CTNNA2: variants seen among roughly 807,000 people sequenced by gnomAD.
CTNNA2 encodes catenin alpha 2.
A neutral mutation model predicts 101.0 loss-of-function variants in CTNNA2; 42 were observed. The ratio of observed to expected loss-of-function variants is 0.42; its 90% confidence interval spans 0.32 to 0.54. The LOEUF is 0.54. Ranked by LOEUF, CTNNA2 falls within the 20% of genes least tolerant of loss-of-function variation. The probability of loss-of-function intolerance (pLI) is 0.14; values close to 1 mark genes in which losing one functional copy is unlikely to be tolerated. For missense variants in CTNNA2, 871 were observed against 1,223.1 expected (o/e 0.71, Z 4.29); for synonymous variants, 450 against 456.4 (o/e 0.99, Z 0.18).
At chr2:80,201,968 C>T (rs1242898707) in intron 7 of CTNNA2, among the ~76,000 whole-genome samples, 2 of 152,158 alleles carry the variant, frequency 1.3e-5, no homozygotes, top group East Asian at 3.9e-4. Flanking sequence ...TATCTACTCC[C>T]TTCACCACCC....
At chr2:80,005,617 G>A (rs1290224452) in intron 7 of CTNNA2, among the ~76,000 whole-genome samples, 4 of 152,060 alleles carry the variant, frequency 2.6e-5, no homozygotes, top group South Asian at 2.1e-4. Flanking sequence ...ATCCTAGAAA[G>A]CCTATCACCA....
chr2:80,040,226 A>AT (rs1221187500), intron 7 of CTNNA2, among the ~76,000 whole-genome samples: 2 of 152,184 alleles, frequency 1.3e-5, no homozygotes, highest in East Asian at 3.8e-4. Flanking sequence ...ATTTTGTATT[A>AT]TTTATAAGCA....
At position 80,268,780 on chromosome 2, in the gene CTNNA2, A is replaced by T. The variant is rs542684584; in HGVS notation, c.1057-124431A>T. On this transcript the variant is annotated intron_variant, in intron 7 of 18. Transcript: ENST00000402739. ...TCTGAGGAGACCACAACATTACAATAAAAGGAAAAATTCATTTTTTCCAAG... is the reference window on the plus strand; with the variant it reads ...TCTGAGGAGACCACAACATTACAATTAAAGGAAAAATTCATTTTTTCCAAG... Among the ~76,000 whole-genome samples, 118 of 152,352 alleles carry T rather than the reference A, an allele frequency of 7.7e-4. 3 individuals carry two copies. In the South Asian group the frequency reaches 0.024, roughly 32 times the overall value.
intron 14 of CTNNA2, among the ~76,000 whole-genome samples, chr2:80,585,929 C>T (rs1200051305): frequency 1.3e-5 from 2 of 152,116 alleles, no homozygotes; most frequent in African/African-American, 4.8e-5. Flanking sequence ...TCACCCAAGT[C>T]ACACACCATT....
Position 79,662,225 on chromosome 2 carries a change from AT to A in CTNNA2, c.102+10573del, listed in dbSNP as rs1682086342. On this transcript the variant is annotated intron_variant, in intron 2 of 18. Transcript: ENST00000402739. ...AAATGAATATATTAAACTAAAACCC[AT>A]TTTTTCCTATTAAATGGTTAATGCA... Among the ~76,000 whole-genome samples, 3 of 151,866 alleles carry A rather than the reference AT, an allele frequency of 2.0e-5. No individual in the cohort carries two copies. The South Asian group carries it at 6.2e-4, about 32-fold the overall frequency.
intron 7 of CTNNA2, among the ~76,000 whole-genome samples, chr2:80,167,758 A>AT (rs922091528): frequency 2.0e-5 from 3 of 152,012 alleles, no homozygotes; most frequent in Admixed American, 2.0e-4. Flanking sequence ...TAATGCACGG[A>AT]TTTTTTTTCC....
At chr2:79,521,134 AT>A (rs1382911080) in intron 1 of CTNNA2, among the ~76,000 whole-genome samples, 7 of 19,952 alleles carry the variant, frequency 3.5e-4, no homozygotes, top group African/African-American at 5.9e-4. Flanking sequence ...ATATATATAT[AT>A]ATATATATAT....
intron 3 of CTNNA2, among the ~76,000 whole-genome samples, chr2:79,794,017 A>G (rs917802793): frequency 9.2e-5 from 14 of 152,032 alleles, no homozygotes; most frequent in African/African-American, 3.1e-4. Context: ...ATAAAAGACT[A>G]CAAATTGCGT....
chr2:79,481,483 CA>C (rs571810619), intron 4 of CTNNA2, among the ~76,000 whole-genome samples: 96 of 147,800 alleles, frequency 6.5e-4, no homozygotes, highest in South Asian at 4.7e-3. Context: ...ATACAAGAGG[CA>C]AAAAAAAAGA....
At position 79,818,566 on chromosome 2, in the gene CTNNA2, C is replaced by T. The variant is rs555710091; in HGVS notation, c.299-39447C>T. Among the ~76,000 whole-genome samples the T allele has an allele frequency of 8.4e-4, 128 of 151,632 alleles. 1 individual carries two copies. The highest frequency in any genetic ancestry group is 9.4e-4 in the Non-Finnish European group (64 of 67,910). ...TGCTGACCTTGTGATCCACTCACCT[C>T]GGCCTCCCAAAGTGCTGGGATTACA... is the stretch of plus-strand genomic sequence containing the variant. On this transcript the variant is annotated intron_variant, in intron 3 of 18. Coordinates refer to ENST00000402739, the MANE Select transcript of CTNNA2 (RefSeq NM_001282597.3).
chr2:79,296,383 G>T (rs1413385647), intron 2 of CTNNA2, among the ~76,000 whole-genome samples: 1 of 152,120 alleles, frequency 6.6e-6, no homozygotes, highest in Non-Finnish European at 1.5e-5. Flanking sequence ...CTTCAGGAAA[G>T]AATTAAAGAT....
intron 7 of CTNNA2, among the ~76,000 whole-genome samples, chr2:80,087,114 C>T (rs947221083): frequency 7.9e-5 from 12 of 151,850 alleles, no homozygotes; most frequent in African/African-American, 2.7e-4. Context: ...AATTGTTAGG[C>T]CTGTTATAAA....
intron 2 of CTNNA2, among the ~76,000 whole-genome samples, chr2:79,244,669 C>T (rs761878000): frequency 6.6e-6 from 1 of 152,194 alleles, no homozygotes; most frequent in Non-Finnish European, 1.5e-5. Context: ...ATGATAGCAG[C>T]GATTTCACTG....
chr2:79,741,897 A>G (rs2104976668), intron 2 of CTNNA2, among the ~76,000 whole-genome samples: 1 of 152,280 alleles, frequency 6.6e-6, no homozygotes, highest in East Asian at 1.9e-4. Context: ...AAAAGCATTG[A>G]CAATTGTTTA....
intron 7 of CTNNA2, among the ~76,000 whole-genome samples, chr2:80,067,329 T>C (rs1262349093): frequency 6.6e-6 from 1 of 151,914 alleles, no homozygotes; most frequent in East Asian, 1.9e-4. Context: ...TCATGTTTTA[T>C]ATATATTTCA....
At chr2:79,239,146 C>T (rs1296266652) in intron 2 of CTNNA2, among the ~76,000 whole-genome samples, 4 of 151,970 alleles carry the variant, frequency 2.6e-5, no homozygotes, top group African/African-American at 7.2e-5. Flanking sequence ...ACCCAGAGCT[C>T]ATATAGCCAA....
chr2:80,532,641 A>G lies in CTNNA2; in HGVS notation c.1291-12341A>G, dbSNP rs75661231. ...GCATGTTCAGGAAAATACATTATGT[A>G]TATAGGGCTTGGTACTATTTGTGGT... On this transcript the variant is annotated intron_variant, in intron 9 of 18. Coordinates refer to ENST00000402739, the MANE Select transcript of CTNNA2 (RefSeq NM_001282597.3). Among the ~76,000 whole-genome samples the G allele has an allele frequency of 4.5e-3, 688 of 152,268 alleles. 3 individuals are homozygous for G. The highest frequency in any genetic ancestry group is 0.016 in the African/African-American group (664 of 41,554).
At chr2:79,208,817 T>A (rs369781834) in intron 2 of CTNNA2, among the ~76,000 whole-genome samples, 14 of 152,340 alleles carry the variant, frequency 9.2e-5, no homozygotes, top group East Asian at 7.7e-4. Context: ...AATTTATGAT[T>A]GCAGAGAAGT....
chr2:79,864,707 T>C (rs1681889333), intron 4 of CTNNA2, among the ~76,000 whole-genome samples: 1 of 152,130 alleles, frequency 6.6e-6, no homozygotes, highest in African/African-American at 2.4e-5. Context: ...AGACCAATCA[T>C]ATGGGGCAAG....
Sources: gnomAD v4.1 joint callset for allele counts (sites outside exome capture counted in the v4.1 genomes callset) on GRCh38, gnomAD v4.1.1 for gene constraint, MANE v1.5 for transcripts, NCBI Gene and HGNC (gene_info 2026-07-23, HGNC 2026-07-21) for gene names.